The following CTBP2 variants were observed in gnomAD, a reference collection of about 807,000 sequenced individuals.
CTBP2 encodes the protein C-terminal binding protein 2, also known as C-terminal-binding protein 2.
A neutral mutation model predicts 80.3 loss-of-function variants in CTBP2; 30 were observed. That is an observed-to-expected ratio of 0.37 (90% CI 0.28 to 0.51). The LOEUF (loss-of-function observed/expected upper bound fraction) is 0.51, where lower values mean the gene tolerates loss of function less well. CTBP2 is among the 20% of genes least tolerant of loss of function. The pLI is 0.93. For synonymous variants in CTBP2, 594 were observed against 587.4 expected (o/e 1.01, Z -0.16); for missense variants, 1,212 against 1,375.3 (o/e 0.88, Z 1.88).
intron 1 of CTBP2, among the ~76,000 whole-genome samples, chr10:125,020,803 C>G (rs1956963958): frequency 6.6e-6 from 1 of 152,230 alleles, no homozygotes; most frequent in South Asian, 2.1e-4. Flanking sequence ...TGGCCAGACT[C>G]CTGGTCAGAT....
At chr10:125,051,932 A>G (rs976679144) in intron 2 of CTBP2, among the ~76,000 whole-genome samples, 1 of 152,208 alleles carries the variant, frequency 6.6e-6, no homozygotes, top group African/African-American at 2.4e-5. Flanking sequence ...GATGGCATCT[A>G]AAAGCTACGG....
chr10:124,998,373 C>T (rs2134195224), intron 3 of CTBP2: 1 of 609,036 alleles, frequency 1.6e-6, no homozygotes, highest in Non-Finnish European at 2.9e-6. Flanking sequence ...CAACATCTAC[C>T]CCTCCCTCCC....
chr10:125,040,269 A>G (rs1959266923), intron 2 of CTBP2, among the ~76,000 whole-genome samples: 1 of 152,128 alleles, frequency 6.6e-6, no homozygotes, highest in Non-Finnish European at 1.5e-5. Context: ...AGCCTGGCCA[A>G]CATGGTAAAA....
intron 1 of CTBP2, among the ~76,000 whole-genome samples, chr10:125,008,074 A>G (rs2028398): frequency 0.42 from 63,885 of 151,872 alleles, 14,620 homozygotes; most frequent in African/African-American, 0.61. Flanking sequence ...AGCCTCCCAA[A>G]TAGCTGAGAC....
chr10:125,157,433 C>T (rs1360758345), intron 1 of CTBP2, among the ~76,000 whole-genome samples: 1 of 150,960 alleles, frequency 6.6e-6, no homozygotes, highest in South Asian at 2.1e-4. Flanking sequence ...GTATTCTTTA[C>T]CTTATCTTTC....
intron 3 of CTBP2, among the ~76,000 whole-genome samples, chr10:125,001,863 T>C (rs1333727191): frequency 6.6e-6 from 1 of 152,210 alleles, no homozygotes; most frequent in Non-Finnish European, 1.5e-5. Context: ...TGCCCCAGGC[T>C]AAGGCTGTGG....
intron 1 of CTBP2, among the ~76,000 whole-genome samples, chr10:125,134,661 C>G (rs962271557): frequency 6.6e-6 from 1 of 152,136 alleles, no homozygotes; most frequent in South Asian, 2.1e-4. Flanking sequence ...GCCCCAGACA[C>G]GCGGCGCGGG....
At position 125,066,998 on chromosome 10, in the gene CTBP2, T is replaced by C. The variant is rs897969729; in HGVS notation, c.-101-27843A>G. On this transcript the variant is annotated intron_variant, in intron 2 of 10. Coordinates refer to the CTBP2 transcript ENST00000337195. This position sits in a 1 kb window ranked among gnomAD's most constrained non-coding sequence, Gnocchi z 4.1. ...CCCGCCTGACCACCAGGCCCAGGTA[T>C]AAGGGAAGGGCGACTCCTACTGATG... Among the ~76,000 whole-genome samples the C allele has an allele frequency of 6.6e-6, 1 of 152,122 alleles. No individual in the cohort carries two copies. Among genetic ancestry groups the C allele is most frequent in the Non-Finnish European group, 1.5e-5 (1 of 68,028 alleles).
At chr10:125,134,736 G>A (rs1441355112) in intron 1 of CTBP2, among the ~76,000 whole-genome samples, 2 of 152,078 alleles carry the variant, frequency 1.3e-5, no homozygotes, top group Admixed American at 6.6e-5. Flanking sequence ...CACCTCTGCG[G>A]GTCCTTGGGG....
At chr10:125,037,721 C>A (rs1409561152) in intron 3 of CTBP2, among the ~76,000 whole-genome samples, 1 of 152,150 alleles carries the variant, frequency 6.6e-6, no homozygotes, top group Non-Finnish European at 1.5e-5. Flanking sequence ...CAATACTGTC[C>A]CTGAGGTTAG....
intron 2 of CTBP2, among the ~76,000 whole-genome samples, chr10:125,049,333 G>A (rs1366396146): frequency 6.6e-6 from 1 of 152,212 alleles, no homozygotes; most frequent in East Asian, 1.9e-4. Flanking sequence ...CACAGCAGCA[G>A]GATACCACTG....
chr10:125,044,377 AG>A (rs1960702133), intron 2 of CTBP2, among the ~76,000 whole-genome samples: 1 of 152,210 alleles, frequency 6.6e-6, no homozygotes, highest in East Asian at 1.9e-4. Flanking sequence ...GCCAGTTAAC[AG>A]GGCCTTGAGA....
chr10:125,007,983 G>A (rs1394719558), intron 1 of CTBP2, among the ~76,000 whole-genome samples: 3 of 150,492 alleles, frequency 2.0e-5, no homozygotes, highest in African/African-American at 7.3e-5. Flanking sequence ...TTTCACTTTT[G>A]TTGCCCAGGC....
rs937177371 is a variant in CTBP2, at chr10:124,986,478, A to G, written c.*3040T>C. 6.6e-6 allele frequency: 1 copy of G among 152,234 alleles called. No individual in the cohort carries two copies. The highest frequency in any genetic ancestry group is 1.5e-5 in the Non-Finnish European group (1 of 68,032). 9.4% of individuals were successfully genotyped at this position (152,234 alleles called of 1,614,324 possible). ...ATACCCACAAAACTGTCATGTCTTT[A>G]GTTCTTTCCCCCCGAAAACTCAGTA... is the stretch of plus-strand genomic sequence containing the variant. On this transcript the variant is annotated 3_prime_UTR_variant, in exon 9 of 9. Transcript: ENST00000309035.
At chr10:125,155,953 G>A (rs1565066781) in intron 1 of CTBP2, among the ~76,000 whole-genome samples, 1 of 152,124 alleles carries the variant, frequency 6.6e-6, no homozygotes, top group Non-Finnish European at 1.5e-5. Flanking sequence ...TTTCAGCAGG[G>A]TAAGTTCACA....
chr10:125,098,776 G>GAGAGAC (rs1850149537), intron 2 of CTBP2, among the ~76,000 whole-genome samples: 1 of 146,052 alleles, frequency 6.8e-6, no homozygotes, highest in Admixed American at 6.8e-5. Flanking sequence ...GAGAGAGAGA[G>GAGAGAC]AGACAGAGAG....
chr10:125,027,476 C>G lies in CTBP2; in HGVS notation c.284G>C (p.Arg95Thr). ...GCTGCGACCAGACATCACTGCCTGTCTGCTGTCGTAGAAGGTGAAGTCAGG... is the reference window on the plus strand; with the variant it reads ...GCTGCGACCAGACATCACTGCCTGTGTGCTGTCGTAGAAGGTGAAGTCAGG... Residue 95 changes from arginine to threonine, a missense_variant, in exon 1 of 9, where the codon AGA becomes ACA. Coordinates refer to ENST00000309035, the MANE Select transcript of CTBP2 (RefSeq NM_022802.3). 6.2e-7 allele frequency: 1 copy of G among 1,614,172 alleles called. No individual in the cohort carries two copies. Among genetic ancestry groups the G allele is most frequent in the Non-Finnish European group, 8.5e-7 (1 of 1,180,028 alleles).
intron 1 of CTBP2, among the ~76,000 whole-genome samples, chr10:125,142,760 A>G (rs1838444661): frequency 6.6e-6 from 1 of 152,168 alleles, no homozygotes; most frequent in Admixed American, 6.5e-5. Flanking sequence ...GAGCCAGCAC[A>G]CACCCCACCA....
At chr10:125,000,760 C>T (rs1954356868) in intron 3 of CTBP2, 1 of 152,282 alleles carries the variant, frequency 6.6e-6, no homozygotes, top group Non-Finnish European at 1.5e-5. Flanking sequence ...CTGCGAGGGA[C>T]CCTCTTTCAT....
Sources: gnomAD v4.1 joint callset for allele counts (sites outside exome capture counted in the v4.1 genomes callset) on GRCh38, gnomAD v4.1.1 for gene constraint, Gnocchi (gnomAD v3.1) non-coding constraint, MANE v1.5 for transcripts, NCBI Gene and HGNC (gene_info 2026-07-23, HGNC 2026-07-21) for gene names.